Variants in NUP98 observed in about 807,000 individuals in gnomAD.
NUP98 encodes nucleoporin 98 and 96 precursor.
Under a neutral mutation model 191.9 loss-of-function variants are expected in NUP98, and 26 were observed. The ratio of observed to expected loss-of-function variants is 0.14; its 90% CI spans 0.10 to 0.19. NUP98 has a LOEUF of 0.19. Among genes scored for constraint, NUP98 ranks in the 10% least tolerant of loss-of-function variants. The pLI, the probability that NUP98 is intolerant of heterozygous loss-of-function variation, is 1.00. For missense variants in NUP98, 1,941 were observed against 2,178.8 expected (o/e 0.89, Z 2.17); for synonymous variants, 808 against 778.4 (o/e 1.04, Z -0.63).
At chr11:3,756,775 A>G (rs2080972422) in intron 10 of NUP98, among the ~76,000 whole-genome samples, 1 of 152,072 alleles carries the variant, frequency 6.6e-6, no homozygotes, top group South Asian at 2.1e-4. Flanking sequence ...ATCACATATA[A>G]CATCAAATAT....
intron 1 of NUP98, among the ~76,000 whole-genome samples, chr11:3,785,959 C>A (rs1046963811): frequency 6.6e-6 from 1 of 151,936 alleles, no homozygotes; most frequent in African/African-American, 2.4e-5. Flanking sequence ...CTGGCCCAAG[C>A]TGAAACCCCC....
chr11:3,713,723 A>G, intron 19 of NUP98, 95 bp downstream of exon 19: 2 of 1,177,974 alleles, frequency 1.7e-6, no homozygotes, highest in South Asian at 3.0e-5. Flanking sequence ...CCATCAATCA[A>G]TCAATAGAAT....
chr11:3,791,533 CAAAAAAAAAAA>C (rs71041395), intron 1 of NUP98, among the ~76,000 whole-genome samples: 3 of 67,200 alleles, frequency 4.5e-5, no homozygotes, highest in South Asian at 5.4e-4. Flanking sequence ...GACCTCGTCT[CAAAAAAAAAAA>C]AAAAAAAAAA....
chr11:3,726,756 A>T (rs1400400999), intron 14 of NUP98, among the ~76,000 whole-genome samples: 1 of 151,882 alleles, frequency 6.6e-6, no homozygotes, highest in Non-Finnish European at 1.5e-5. Flanking sequence ...ATCTGATGTT[A>T]CCATCAGATT....
intron 9 of NUP98, 25 bp from the exon 10 acceptor site, chr11:3,760,651 A>C (rs1472788863): frequency 1.3e-6 from 2 of 1,593,078 alleles, no homozygotes; most frequent in Non-Finnish European, 1.7e-6. Flanking sequence ...ATACAGGAAA[A>C]TTTAAAATAA....
chr11:3,790,988 C>T (rs1338040266), intron 1 of NUP98, among the ~76,000 whole-genome samples: 1 of 151,734 alleles, frequency 6.6e-6, no homozygotes, highest in Non-Finnish European at 1.5e-5. Flanking sequence ...CTCTGCCTCC[C>T]AGGTTCACGA....
intron 1 of NUP98, among the ~76,000 whole-genome samples, chr11:3,795,367 G>A (rs2082492687): frequency 6.6e-6 from 1 of 152,202 alleles, no homozygotes; most frequent in African/African-American, 2.4e-5. Flanking sequence ...GATTGCTTGA[G>A]CCCAGGAGGT....
At position 3,745,637 on chromosome 11, in the gene NUP98, G is replaced by C. The variant is rs572099487; in HGVS notation, c.1268-988C>G. 5.3e-5 allele frequency among the ~76,000 whole-genome samples: 8 copies of C among 151,924 alleles called. No homozygotes were observed. In the East Asian group the frequency reaches 1.4e-3, roughly 26 times the overall value. ...AAGATTTAAAGTTCCATTAAAAAAA[G>C]AGAGAGAGAGACAGGATCTCATTAT... is the stretch of plus-strand genomic sequence containing the variant. On this transcript the variant is annotated intron_variant, in intron 11 of 32. Transcript: ENST00000324932.
chr11:3,709,110 C>G (rs1490652652), intron 20 of NUP98, among the ~76,000 whole-genome samples: 1 of 152,102 alleles, frequency 6.6e-6, no homozygotes, highest in Admixed American at 6.6e-5. Flanking sequence ...ATCAAGACAC[C>G]CTCATTCAAC....
chr11:3,738,901 T>A (rs1020574239), intron 12 of NUP98, among the ~76,000 whole-genome samples: 8 of 152,024 alleles, frequency 5.3e-5, no homozygotes, highest in African/African-American at 1.7e-4. Context: ...AAGGATTTGG[T>A]TTCCACACAA....
intron 11 of NUP98, among the ~76,000 whole-genome samples, chr11:3,745,739 C>T (rs2080466149): frequency 6.6e-6 from 1 of 152,130 alleles, no homozygotes; most frequent in African/African-American, 2.4e-5. Flanking sequence ...AGGCATGCAT[C>T]ACCATGCATG....
chr11:3,702,640 C>A lies in NUP98; in HGVS notation c.3335G>T (p.Gly1112Val), dbSNP rs2078744881. Reference sequence around the variant, plus strand: ...TAGGGCCATGTCCATCAAGAGTTTTCCCTTGCCATAGGTGACAGACTTTTC... The same window carrying A: ...TAGGGCCATGTCCATCAAGAGTTTTACCTTGCCATAGGTGACAGACTTTTC... ...PREKSVTYGK[G>V]KLLMDMALFM... Residue 1112 changes from glycine to valine, a missense_variant, in exon 23 of 33, where the codon GGA (glycine) becomes GTA (valine). By Grantham distance (109) the Gly-to-Val change is moderately radical (BLOSUM62 -3). Around this residue, in one of 6 missense-constraint regions of NUP98, gnomAD observed 1,030 missense variants for 1,115.8 expected, o/e 0.92. Transcript: ENST00000324932. The A allele has an allele frequency of 6.2e-7, 1 of 1,613,976 alleles. No individual in the cohort carries two copies. The highest frequency in any genetic ancestry group is 1.7e-5 in the Admixed American group (1 of 59,982).
intron 13 of NUP98, among the ~76,000 whole-genome samples, chr11:3,733,024 A>G (rs1589831810): frequency 6.6e-6 from 1 of 152,232 alleles, no homozygotes; most frequent in Non-Finnish European, 1.5e-5. Flanking sequence ...TTTCACTAGT[A>G]TATTTTAAAT....
rs900858751 is a variant in NUP98, at chr11:3,744,666, A to G, written c.1268-17T>C. 8 of 1,589,700 alleles carry G rather than the reference A, an allele frequency of 5.0e-6. No individual in the cohort carries two copies. Among genetic ancestry groups the G allele is most frequent in the Middle Eastern group, 1.7e-4 (1 of 5,902 alleles). Reference sequence around the variant, plus strand: ...CACCAAGAGCTACGGAGACAAGAGGAAAGAAAAAAGCACCACAGAAGATCC... The same window carrying G: ...CACCAAGAGCTACGGAGACAAGAGGGAAGAAAAAAGCACCACAGAAGATCC... On this transcript the variant is annotated splice_polypyrimidine_tract_variant and intron_variant, in intron 11 of 32. Transcript: ENST00000324932.
At chr11:3,770,413 G>A (rs1265925448) in intron 7 of NUP98, among the ~76,000 whole-genome samples, 1 of 152,016 alleles carries the variant, frequency 6.6e-6, no homozygotes, top group Admixed American at 6.6e-5. Context: ...AGGAAATCAG[G>A]GCTGTAGTGA....
At chr11:3,726,989 G>A (rs1490217130) in intron 14 of NUP98, among the ~76,000 whole-genome samples, 2 of 151,858 alleles carry the variant, frequency 1.3e-5, no homozygotes, top group African/African-American at 2.4e-5. Flanking sequence ...TGGTCTCACT[G>A]GCCTCTCTAG....
intron 27 of NUP98, 123 bp from the exon 28 acceptor site, chr11:3,691,612 G>T: frequency 1.1e-6 from 1 of 924,876 alleles, no homozygotes; most frequent in Non-Finnish European, 1.6e-6. Context: ...GGAGTGCAGT[G>T]GGACAATCTC....
rs1468897215 is a variant in NUP98 at position 3,683,448 on chromosome 11, G to GGA, written c.4677-9_4677-8dup. On this transcript the variant is annotated splice_polypyrimidine_tract_variant and splice_region_variant and intron_variant, in intron 29 of 32. Transcript: ENST00000324932. ...AACAGCCTTCTCACGTATGCTACAGGGAGAGATAAGCTAGAATAAATCCCA... is the reference window on the plus strand; with the variant it reads ...AACAGCCTTCTCACGTATGCTACAGGGAGAGAGATAAGCTAGAATAAATCCCA... 6.2e-7 allele frequency: 1 copy of GGA among 1,613,900 alleles called. No homozygotes were observed. The highest frequency in any genetic ancestry group is 8.5e-7 in the Non-Finnish European group (1 of 1,179,932).
At chr11:3,758,629 AC>A (rs1349001505) in intron 10 of NUP98, among the ~76,000 whole-genome samples, 1 of 152,118 alleles carries the variant, frequency 6.6e-6, no homozygotes, top group African/African-American at 2.4e-5. Flanking sequence ...TACTTTAAAT[AC>A]AAAAATTAGC....
Sources: gnomAD v4.1 joint callset for allele counts (sites outside exome capture counted in the v4.1 genomes callset) on GRCh38, gnomAD v4.1.1 for gene constraint, gnomAD v4.1.1 regional missense constraint, MANE v1.5 for transcripts, NCBI Gene and HGNC (gene_info 2026-07-23, HGNC 2026-07-21) for gene names.